Variants in ZBTB40 observed in about 807,000 individuals in gnomAD.
ZBTB40 encodes the protein zinc finger and BTB domain-containing protein 40.
ZBTB40 carries 60 observed loss-of-function variants against 117.5 expected under a neutral mutation model. That is an observed-to-expected ratio of 0.51 (90% CI 0.41 to 0.63). The LOEUF is 0.63. Among genes scored for constraint, ZBTB40 ranks in the 30% least tolerant of loss-of-function variants. The pLI is 0.00. For synonymous variants in ZBTB40, 525 were observed against 577.1 expected (o/e 0.91, Z 1.29); for missense variants, 1,287 against 1,498.5 (o/e 0.86, Z 2.33).
chr1:22,515,632 C>T (rs1639355459), intron 12 of ZBTB40, among the ~76,000 whole-genome samples: 1 of 152,168 alleles, frequency 6.6e-6, no homozygotes, highest in East Asian at 1.9e-4. Context: ...CTTCTTCCTC[C>T]CTCTTATGAG....
intron 13 of ZBTB40, among the ~76,000 whole-genome samples, chr1:22,519,001 C>G (rs1337555214): frequency 1.3e-5 from 2 of 152,222 alleles, no homozygotes; most frequent in Non-Finnish European, 2.9e-5. Context: ...GCCCCCCTCT[C>G]TCTCCCATTT....
intron 1 of ZBTB40, among the ~76,000 whole-genome samples, chr1:22,437,181 C>T (rs889395513): frequency 6.6e-6 from 1 of 152,010 alleles, no homozygotes; most frequent in Admixed American, 6.6e-5. Context: ...AAATTACTGC[C>T]CCAGAATTGG....
intron 1 of ZBTB40, among the ~76,000 whole-genome samples, chr1:22,431,382 G>GTATATATATATATATATA (rs1308135309): frequency 1.3e-4 from 2 of 15,510 alleles, no homozygotes; most frequent in African/African-American, 2.1e-4. Flanking sequence ...GTGTGTGTGT[G>GTATATATATATATATATA]TGTATATATA....
intron 4 of ZBTB40, 67 bp from the exon 5 acceptor site, chr1:22,502,232 A>G: frequency 2.6e-6 from 4 of 1,556,896 alleles, no homozygotes; most frequent in Non-Finnish European, 3.5e-6. Flanking sequence ...TCTCTTGACA[A>G]ACCATGCTGT....
chr1:22,482,860 C>T (rs1268659), intron 1 of ZBTB40, among the ~76,000 whole-genome samples: 3,388 of 152,150 alleles, frequency 0.022, 137 homozygotes, highest in African/African-American at 0.077. Context: ...AGGTGGATCA[C>T]GAGGTCAGGA....
intron 12 of ZBTB40, among the ~76,000 whole-genome samples, chr1:22,516,407 G>A (rs1430597692): frequency 6.6e-6 from 1 of 152,148 alleles, no homozygotes; most frequent in African/African-American, 2.4e-5. Flanking sequence ...GGGGAAAGGT[G>A]GGAGCTGGAG....
intron 17 of ZBTB40, among the ~76,000 whole-genome samples, chr1:22,525,349 G>A (rs559233648): frequency 6.6e-6 from 1 of 152,352 alleles, no homozygotes; most frequent in African/African-American, 2.4e-5. Context: ...GAACATCACA[G>A]TTGATCTCTT....
intron 1 of ZBTB40, among the ~76,000 whole-genome samples, chr1:22,464,655 GTC>G (rs1461885004): frequency 2.0e-5 from 3 of 152,166 alleles, no homozygotes; most frequent in African/African-American, 7.2e-5. Flanking sequence ...AAGAAAATAA[GTC>G]TGCCATAATG....
At chr1:22,496,074 G>A (rs971208547) in intron 3 of ZBTB40, among the ~76,000 whole-genome samples, 1 of 152,250 alleles carries the variant, frequency 6.6e-6, no homozygotes, top group Non-Finnish European at 1.5e-5. Flanking sequence ...GCTATAGATC[G>A]AGAACAGCAT....
At chr1:22,481,722 T>C (rs1259384699) in intron 1 of ZBTB40, among the ~76,000 whole-genome samples, 1 of 141,010 alleles carries the variant, frequency 7.1e-6, no homozygotes, top group Non-Finnish European at 1.5e-5. Context: ...TTTAAAAAGA[T>C]CTAATGTATG....
Position 22,502,312 on chromosome 1 carries a change from G to A in ZBTB40, c.1038G>A (p.Glu346=), listed in dbSNP as rs764878595. 2.5e-6 allele frequency: 4 copies of A among 1,613,716 alleles called. No individual in the cohort carries two copies. Among genetic ancestry groups the A allele is most frequent in the Non-Finnish European group, 8.5e-7 (1 of 1,179,762 alleles). ...DTVQPKGSTE[E]GKTLSVLLLE... ...TTTCTCCCCCAGGGAGCACAGAGGA[G>A]GGAAAGACCTTGTCTGTTCTGTTAC... Residue 346 remains glutamate (E), a synonymous_variant, in exon 5 of 18, where the codon GAG becomes GAA. Coordinates refer to ENST00000375647, the MANE Select transcript of ZBTB40 (RefSeq NM_014870.4).
chr1:22,528,451 A>C lies in ZBTB40; in HGVS notation c.*2055A>C, dbSNP rs1225655243. On this transcript the variant is annotated 3_prime_UTR_variant, in exon 18 of 18. Coordinates refer to ENST00000375647, the MANE Select transcript of ZBTB40 (RefSeq NM_014870.4). ...AAAAAGAAAAAACAAACAACAACAA[A>C]AAAAACTCTTCGGAATAAAGAGGGC... 2.0e-5 allele frequency: 3 copies of C among 152,308 alleles called. No individual in the cohort carries two copies. The highest frequency in any genetic ancestry group is 6.5e-5 in the Admixed American group (1 of 15,278). 9.4% of individuals were successfully genotyped at this position (152,308 alleles called of 1,614,324 possible).
At chr1:22,493,247 A>T (rs1178158396) in intron 3 of ZBTB40, among the ~76,000 whole-genome samples, 1 of 152,154 alleles carries the variant, frequency 6.6e-6, no homozygotes, top group African/African-American at 2.4e-5. Flanking sequence ...GGCTTATGTT[A>T]TTTCTTCCTC....
intron 1 of ZBTB40, among the ~76,000 whole-genome samples, chr1:22,439,132 T>C (rs936544649): frequency 1.7e-4 from 26 of 152,184 alleles, no homozygotes; most frequent in Admixed American, 9.2e-4. Context: ...CCCCAAAGTG[T>C]TGGGATTACA....
At position 22,521,641 on chromosome 1, in the gene ZBTB40, T is replaced by G; in HGVS notation, c.3194T>G (p.Ile1065Ser). The G allele has an allele frequency of 6.2e-7, 1 of 1,614,192 alleles. No homozygotes were observed. Among genetic ancestry groups the G allele is most frequent in the South Asian group, 1.1e-5 (1 of 91,086 alleles). Reference protein sequence around the residue: ...FPNTIEHKKHIKAEHADMKFH... With the variant: ...FPNTIEHKKHSKAEHADMKFH... ...AACACCATTGAGCACAAGAAGCACA[T>G]CAAAGCAGAACATGCAGGTGGAGTT... is the stretch of plus-strand genomic sequence containing the variant. Residue 1065 changes from isoleucine to serine, a missense_variant, in exon 15 of 18, where the codon ATC (isoleucine) becomes AGC (serine). Ile to Ser is a moderately radical substitution (Grantham distance 142, BLOSUM62 -2). Coordinates refer to ENST00000375647, the MANE Select transcript of ZBTB40 (RefSeq NM_014870.4).
At chr1:22,447,102 C>CA (rs74800364), upstream of ZBTB40, among the ~76,000 whole-genome samples, 305 of 102,576 alleles carry the variant, frequency 3.0e-3, no homozygotes, top group Middle Eastern at 0.029. Flanking sequence ...GACCTTATCT[C>CA]AAAAAAAAAA....
At chr1:22,501,439 G>T in intron 3 of ZBTB40, 53 bp from the exon 4 acceptor site, 1 of 1,602,574 alleles carries the variant, frequency 6.2e-7, no homozygotes, top group South Asian at 1.1e-5. Flanking sequence ...TGCAAGGAGC[G>T]GATGGTTCTT....
At chr1:22,467,086 T>C (rs1183317751) in intron 1 of ZBTB40, among the ~76,000 whole-genome samples, 1 of 152,200 alleles carries the variant, frequency 6.6e-6, no homozygotes, top group African/African-American at 2.4e-5. Flanking sequence ...TTAATACTAT[T>C]GCTGCGAATA....
chr1:22,451,242 T>C (rs1411643146), upstream of ZBTB40, among the ~76,000 whole-genome samples: 1 of 152,146 alleles, frequency 6.6e-6, no homozygotes, highest in African/African-American at 2.4e-5. Flanking sequence ...TCAGGTCGCC[T>C]CTCCGCCTCG....
Sources: gnomAD v4.1 joint callset for allele counts (sites outside exome capture counted in the v4.1 genomes callset) on GRCh38, gnomAD v4.1.1 for gene constraint, MANE v1.5 for transcripts, NCBI Gene and HGNC (gene_info 2026-07-23, HGNC 2026-07-21) for gene names.